Variants in PATL2 observed in about 807,000 individuals in gnomAD.
PATL2 encodes the protein PAT1 homolog 2.
A neutral mutation model predicts 77.0 loss-of-function variants in PATL2; 73 were observed. That is an observed-to-expected ratio of 0.95 (90% CI 0.78 to 1.15). The LOEUF (loss-of-function observed/expected upper bound fraction) is 1.15. PATL2 is among the 50% of genes most tolerant of loss of function. The pLI, the probability that PATL2 is intolerant of heterozygous loss-of-function variation, is 0.00. For missense variants in PATL2, 618 were observed against 655.4 expected, an observed-to-expected ratio of 0.94 and a Z score of 0.62; for synonymous variants, 265 against 257.1, an observed-to-expected ratio of 1.03 and a Z score of -0.29.
chr15:44,705,811 G>GTTTTTTTT, intron 3 of PATL2, among the ~76,000 whole-genome samples: 1 of 135,408 alleles, frequency 7.4e-6, no homozygotes, highest in East Asian at 2.2e-4. Context: ...TCAAAACATT[G>GTTTTTTTT]TTTTTTTTTA....
Position 44,669,837 on chromosome 15 carries a change from CA to C in PATL2, c.815del (p.Val272GlyfsTer23). On this transcript the variant is annotated frameshift_variant, in exon 11 of 18. Coordinates refer to ENST00000682850, the MANE Select transcript of PATL2 (RefSeq NM_001387263.1). LOFTEE classifies it high-confidence loss of function. ...CTCGGCGAGGGCTGAAGCATGTCGA[CA>C]CAGCTACCTGGCCCAGGGAACCCTC... ...RIEGSLGQVA[V>X]STCFSPRRAI... The C allele has an allele frequency of 1.3e-6, 2 of 1,551,674 alleles. No homozygotes were observed. Among genetic ancestry groups the C allele is most frequent in the Non-Finnish European group, 1.7e-6 (2 of 1,147,008 alleles).
At chr15:44,681,933 G>A (rs530326622) in intron 3 of PATL2, among the ~76,000 whole-genome samples, 2 of 152,292 alleles carry the variant, frequency 1.3e-5, no homozygotes, top group African/African-American at 2.4e-5. Context: ...ATAGTAAACT[G>A]CTTTTAGCTG....
At chr15:44,698,914 C>T (rs960363572) in intron 3 of PATL2, among the ~76,000 whole-genome samples, 3 of 152,132 alleles carry the variant, frequency 2.0e-5, no homozygotes, top group Non-Finnish European at 2.9e-5. Context: ...TCATTATTGT[C>T]TGTCCTTTGG....
chr15:44,679,784 ATG>A (rs2086092484), intron 3 of PATL2, among the ~76,000 whole-genome samples: 1 of 152,140 alleles, frequency 6.6e-6, no homozygotes, highest in Non-Finnish European at 1.5e-5. Context: ...TTAAAGAACC[ATG>A]TATGTCAGGT....
At chr15:44,667,969 G>A (rs574236580) in intron 15 of PATL2, among the ~76,000 whole-genome samples, 7 of 152,170 alleles carry the variant, frequency 4.6e-5, no homozygotes, top group African/African-American at 7.2e-5. Flanking sequence ...TATTTATTAT[G>A]TACCTATTAT....
rs2085419613 is a variant in PATL2 at position 44,667,215 on chromosome 15, A to G, written c.1366-12T>C. The G allele has an allele frequency of 2.0e-6, 3 of 1,536,508 alleles. No homozygotes were observed. The highest frequency in any genetic ancestry group is 2.6e-6 in the Non-Finnish European group (3 of 1,136,956). ...AAAGATATTCCAAACTGCAAGGGAC[A>G]TATATATATTCCAGAGCAAAATGAG... On this transcript the variant is annotated splice_polypyrimidine_tract_variant and intron_variant, in intron 15 of 17. Coordinates refer to ENST00000682850, the MANE Select transcript of PATL2 (RefSeq NM_001387263.1).
chr15:44,683,420 T>C (rs754059440), intron 3 of PATL2, among the ~76,000 whole-genome samples: 1 of 152,140 alleles, frequency 6.6e-6, no homozygotes, highest in Non-Finnish European at 1.5e-5. Flanking sequence ...GCGTTTGCCA[T>C]TACTGAGGCT....
intron 3 of PATL2, among the ~76,000 whole-genome samples, chr15:44,680,056 T>C (rs1029274511): frequency 1.3e-5 from 2 of 152,064 alleles, no homozygotes; most frequent in Admixed American, 6.5e-5. Flanking sequence ...TGGGATCTGC[T>C]CCCTCCTCTT....
chr15:44,668,570 CTG>C, intron 14 of PATL2, 88 bp from the exon 15 acceptor site: 1 of 1,470,782 alleles, frequency 6.8e-7, no homozygotes, highest in Non-Finnish European at 9.1e-7. Flanking sequence ...CCTCGCTGAC[CTG>C]TCTTTGGCAC....
intron 15 of PATL2, 89 bp from the exon 16 acceptor site, chr15:44,667,292 A>C: frequency 1.1e-6 from 1 of 945,306 alleles, no homozygotes; most frequent in Non-Finnish European, 1.6e-6. Context: ...CAACTAAAGG[A>C]CAGGTTCACA....
At chr15:44,687,337 C>T (rs1386930525) in intron 3 of PATL2, among the ~76,000 whole-genome samples, 1 of 152,158 alleles carries the variant, frequency 6.6e-6, no homozygotes, top group Non-Finnish European at 1.5e-5. Context: ...GCAGAAAAGG[C>T]CTTCAACAAA....
intron 3 of PATL2, among the ~76,000 whole-genome samples, chr15:44,705,988 T>C (rs1321139085): frequency 1.3e-5 from 2 of 151,990 alleles, no homozygotes; most frequent in Admixed American, 1.3e-4. Context: ...TTAGTAGAGA[T>C]AGGGTTTCAC....
At position 44,669,817 on chromosome 15, in the gene PATL2, C is replaced by T. The variant is rs2085575519; in HGVS notation, c.836G>A (p.Arg279His). Residue 279 changes from arginine (R) to histidine (H), a missense_variant, in exon 11 of 18, where the codon CGC becomes CAC. Transcript: ENST00000682850. Reference protein sequence around the residue: ...QVAVSTCFSPRRAIDAVPHGT... With the variant: ...QVAVSTCFSPHRAIDAVPHGT... ...ATGGGGTACCGCATCAATAGCTCGG[C>T]GAGGGCTGAAGCATGTCGACACAGC... is the stretch of plus-strand genomic sequence containing the variant. The T allele has an allele frequency of 6.4e-6, 10 of 1,551,634 alleles. No individual in the cohort carries two copies. Among genetic ancestry groups the T allele is most frequent in the Non-Finnish European group, 7.8e-6 (9 of 1,146,972 alleles).
At chr15:44,674,379 A>C (rs2085845708) in intron 5 of PATL2, 149 bp from the exon 6 acceptor site, 1 of 623,414 alleles carries the variant, frequency 1.6e-6, no homozygotes, top group African/African-American at 1.8e-5. Flanking sequence ...CCTCAGATTC[A>C]AAGTCAGCTG....
intron 3 of PATL2, among the ~76,000 whole-genome samples, chr15:44,697,134 C>A (rs1025925212): frequency 6.6e-6 from 1 of 151,684 alleles, no homozygotes; most frequent in Non-Finnish European, 1.5e-5. Context: ...TGTTTCTTCT[C>A]CTCCTCCTCC....
chr15:44,705,124 C>G (rs1361088782), intron 3 of PATL2, among the ~76,000 whole-genome samples: 1 of 152,102 alleles, frequency 6.6e-6, no homozygotes, highest in Non-Finnish European at 1.5e-5. Context: ...TTGTTACTAT[C>G]ACTTTGAATA....
chr15:44,711,079 CCTT>C lies in PATL2; in HGVS notation c.-316_-314del, dbSNP rs1190827476. 6 of 277,648 alleles carry C rather than the reference CCTT, an allele frequency of 2.2e-5. No individual in the cohort carries two copies. The East Asian group carries it at 3.7e-4, about 17-fold the overall frequency. 17.2% of individuals were successfully genotyped at this position (277,648 alleles called of 1,614,324 possible). The stretch of plus-strand genomic sequence containing the variant: ...AGCTGTAGTTATAAACAGAAGTTCT[CCTT>C]CTGCTAGGTAGCATTCAAAGATCTT... On this transcript the variant is annotated 5_prime_UTR_variant, in exon 1 of 18. Transcript: ENST00000682850.
In PATL2 at chr15:44,672,076, A is replaced by G; in HGVS notation, c.596T>C (p.Ile199Thr). ...CTGCAGCTGCACCATCTGCACTTTT[A>G]TCACCCAGTCCTTCTCTTTTCTGGT... ...LMTRKEKDWV[I>T]KVQMVQLQSA... is the part of the protein sequence containing the mutation. Residue 199 changes from isoleucine (I) to threonine (T), a missense_variant, in exon 9 of 18, where the codon ATA becomes ACA. By Grantham distance (89) the Ile-to-Thr change is moderately conservative. Transcript: ENST00000682850. 1.9e-6 allele frequency: 3 copies of G among 1,551,640 alleles called. No individual in the cohort carries two copies. The highest frequency in any genetic ancestry group is 2.6e-6 in the Non-Finnish European group (3 of 1,146,972).
At chr15:44,676,796 G>A in intron 3 of PATL2, 1 of 1,199,118 alleles carries the variant, frequency 8.3e-7, no homozygotes, top group Non-Finnish European at 1.0e-6. Flanking sequence ...GAAGCAGGAA[G>A]AGAAGTACTT....
Sources: allele counts gnomAD v4.1 joint callset (sites outside exome capture counted in the v4.1 genomes callset), GRCh38; gene constraint gnomAD v4.1.1; transcripts MANE v1.5; gene names NCBI Gene and HGNC (gene_info 2026-07-23, HGNC 2026-07-21).